ZNF385B: variants seen among roughly 807,000 people sequenced by gnomAD.
ZNF385B encodes zinc finger protein 385B.
Under a neutral mutation model 39.2 loss-of-function variants are expected in ZNF385B, and 23 were observed. The observed-to-expected ratio is 0.59, with a 90% CI of 0.42 to 0.83. The LOEUF (loss-of-function observed/expected upper bound fraction) is 0.83. Ranked by LOEUF, ZNF385B falls within the 40% of genes least tolerant of loss-of-function variation. ZNF385B has a pLI of 0.00. For missense variants in ZNF385B, 552 were observed against 598.9 expected (o/e 0.92, Z 0.82); for synonymous variants, 205 against 222.6 (o/e 0.92, Z 0.70).
intron 3 of ZNF385B, among the ~76,000 whole-genome samples, chr2:179,696,326 C>CTTTATTTTTTTTTTTTTTT (rs1698744523): frequency 2.5e-5 from 1 of 40,358 alleles, no homozygotes; most frequent in Admixed American, 5.1e-4. Context: ...CAAACTGGGA[C>CTTTATTTTTTTTTTTTTTT]TTTTTTTTTT....
chr2:179,515,291 A>G (rs2058012106), intron 5 of ZNF385B, among the ~76,000 whole-genome samples: 1 of 152,188 alleles, frequency 6.6e-6, no homozygotes, highest in Admixed American at 6.5e-5. Context: ...GCTTTAAACC[A>G]AGCAGTTCTC....
At chr2:179,520,351 A>G (rs542507504) in intron 4 of ZNF385B, among the ~76,000 whole-genome samples, 6 of 152,098 alleles carry the variant, frequency 3.9e-5, no homozygotes, top group Non-Finnish European at 7.4e-5. Context: ...ATGTTTAACT[A>G]CTAAATCTAA....
intron 1 of ZNF385B, among the ~76,000 whole-genome samples, chr2:179,856,362 C>A (rs1684595120): frequency 6.6e-6 from 1 of 152,094 alleles, no homozygotes; most frequent in African/African-American, 2.4e-5. Flanking sequence ...TTCTGCCCCA[C>A]GTGCAGATCC....
chr2:179,753,289 C>CTA (rs1702796173), intron 3 of ZNF385B, among the ~76,000 whole-genome samples: 1 of 151,918 alleles, frequency 6.6e-6, no homozygotes, highest in African/African-American at 2.4e-5. Context: ...TTCCATTGGT[C>CTA]TATATATATC....
At chr2:179,688,675 G>C (rs1698117441) in intron 3 of ZNF385B, among the ~76,000 whole-genome samples, 1 of 152,134 alleles carries the variant, frequency 6.6e-6, no homozygotes, top group Admixed American at 6.5e-5. Context: ...AAATGTCACA[G>C]GACACTTAAT....
intron 3 of ZNF385B, among the ~76,000 whole-genome samples, chr2:179,695,091 T>C (rs1698638907): frequency 6.6e-6 from 1 of 152,206 alleles, no homozygotes; most frequent in Non-Finnish European, 1.5e-5. Flanking sequence ...ATTTCCTTAG[T>C]GTCATATGAC....
rs141011986 is a variant in ZNF385B at position 179,759,965 on chromosome 2, T to C, written c.298+9538A>G. Among the ~76,000 whole-genome samples the C allele has an allele frequency of 7.0e-3, 1,063 of 152,180 alleles. 9 individuals are homozygous for C. Among genetic ancestry groups the C allele is most frequent in the Non-Finnish European group, 0.011 (782 of 68,016 alleles). ...TTATAAATTTTAACTGAAATTTTTA[T>C]CAAGATAATCAGAGATTCACATGCA... is the stretch of plus-strand genomic sequence containing the variant. On this transcript the variant is annotated intron_variant, in intron 3 of 9. Coordinates refer to ENST00000410066, the MANE Select transcript of ZNF385B (RefSeq NM_152520.6).
intron 3 of ZNF385B, among the ~76,000 whole-genome samples, chr2:179,735,013 A>G (rs1237786174): frequency 1.3e-5 from 2 of 151,876 alleles, no homozygotes; most frequent in African/African-American, 4.8e-5. Flanking sequence ...ATGGCAACAA[A>G]AGCCAAAATT....
chr2:179,650,247 C>T (rs1375584505), intron 3 of ZNF385B, among the ~76,000 whole-genome samples: 5 of 152,032 alleles, frequency 3.3e-5, no homozygotes, highest in African/African-American at 1.2e-4. Flanking sequence ...AGAGATTTCA[C>T]CTGGAAAGAT....
chr2:179,687,326 A>T (rs1000610601), intron 3 of ZNF385B, among the ~76,000 whole-genome samples: 2 of 151,810 alleles, frequency 1.3e-5, no homozygotes, highest in Non-Finnish European at 2.9e-5. Flanking sequence ...CAACTTGAGG[A>T]ATCTACATTT....
intron 3 of ZNF385B, among the ~76,000 whole-genome samples, chr2:179,657,542 C>G (rs1172938426): frequency 6.6e-6 from 1 of 152,192 alleles, no homozygotes; most frequent in Non-Finnish European, 1.5e-5. Flanking sequence ...GTAATTATAG[C>G]TCACAACTAT....
At chr2:179,813,498 T>C (rs1210854137) in intron 1 of ZNF385B, among the ~76,000 whole-genome samples, 1 of 152,118 alleles carries the variant, frequency 6.6e-6, no homozygotes, top group Non-Finnish European at 1.5e-5. Context: ...TGATAAATCA[T>C]ACAAGTCAAC....
At chr2:179,716,890 A>T (rs1181043931) in intron 3 of ZNF385B, among the ~76,000 whole-genome samples, 1 of 152,226 alleles carries the variant, frequency 6.6e-6, no homozygotes, top group African/African-American at 2.4e-5. Flanking sequence ...ACAGAGAGAC[A>T]TCCAGCTTGT....
At chr2:179,447,867 G>A (rs1020828062) in intron 6 of ZNF385B, among the ~76,000 whole-genome samples, 17 of 152,074 alleles carry the variant, frequency 1.1e-4, no homozygotes, top group South Asian at 2.1e-4. Flanking sequence ...CTGTATATGG[G>A]TAAACCTAAG....
chr2:179,830,182 G>T lies in ZNF385B; in HGVS notation c.-155+30919C>A, dbSNP rs115703506. Among the ~76,000 whole-genome samples the T allele has an allele frequency of 8.4e-3, 1,287 of 152,308 alleles. 19 individuals are homozygous for T. The highest frequency in any genetic ancestry group is 0.029 in the African/African-American group (1,220 of 41,562). ...ATACCACTACATATCTATTAGAATA[G>T]CTATGAATAAAATTCTGTTAGGATG... On this transcript the variant is annotated intron_variant, in intron 1 of 9. Coordinates refer to ENST00000410066, the MANE Select transcript of ZNF385B (RefSeq NM_152520.6).
intron 3 of ZNF385B, among the ~76,000 whole-genome samples, chr2:179,752,138 A>G (rs1398115458): frequency 6.6e-6 from 1 of 151,828 alleles, no homozygotes; most frequent in East Asian, 1.9e-4. Context: ...CCTGTGTCCA[A>G]GTGTTCTCAT....
In ZNF385B at chr2:179,861,597, G is replaced by C. The variant is rs1043328528; in HGVS notation, c.-651C>G. 4 of 152,246 alleles carry C rather than the reference G, an allele frequency of 2.6e-5. No individual in the cohort carries two copies. Among genetic ancestry groups the C allele is most frequent in the Non-Finnish European group, 5.9e-5 (4 of 68,056 alleles). 9.4% of individuals were successfully genotyped at this position (152,246 alleles called of 1,614,324 possible). Reference sequence around the variant, plus strand: ...AGGGAATGAGGCGGAACCGTTCGGGGGCTCGTTGACACTGCAGAGCCTCCC... The same window carrying C: ...AGGGAATGAGGCGGAACCGTTCGGGCGCTCGTTGACACTGCAGAGCCTCCC... On this transcript the variant is annotated 5_prime_UTR_variant, in exon 1 of 10. Transcript: ENST00000410066.
intron 3 of ZNF385B, among the ~76,000 whole-genome samples, chr2:179,692,272 C>T (rs1698416112): frequency 1.3e-5 from 2 of 152,116 alleles, no homozygotes. Context: ...ATTTAGCTTT[C>T]CTGGACCTCA....
chr2:179,584,470 G>T (rs372976866), intron 3 of ZNF385B, among the ~76,000 whole-genome samples: 4 of 152,150 alleles, frequency 2.6e-5, no homozygotes, highest in Non-Finnish European at 5.9e-5. Flanking sequence ...CTTCACAAAG[G>T]CCTGAAAGTT....
Sources: allele counts gnomAD v4.1 joint callset (sites outside exome capture counted in the v4.1 genomes callset), GRCh38; gene constraint gnomAD v4.1.1; transcripts MANE v1.5; gene names NCBI Gene and HGNC (gene_info 2026-07-23, HGNC 2026-07-21).